TIAM1: variants seen among roughly 807,000 people sequenced by gnomAD.
TIAM1 encodes rho guanine nucleotide exchange factor TIAM1.
Under a neutral mutation model 163.5 loss-of-function variants are expected in TIAM1, and 65 were observed. The observed-to-expected ratio is 0.40, with a 90% confidence interval of 0.33 to 0.49. The LOEUF (loss-of-function observed/expected upper bound fraction) is 0.49, where lower values mean the gene tolerates loss of function less well. Ranked by LOEUF, TIAM1 falls within the 20% of genes least tolerant of loss-of-function variation. The pLI, the probability that TIAM1 is intolerant of heterozygous loss-of-function variation, is 0.77. For synonymous variants in TIAM1, 833 were observed against 810.1 expected, an observed-to-expected ratio of 1.03 and a Z score of -0.48; for missense variants, 1,789 against 2,044.7, an observed-to-expected ratio of 0.87 and a Z score of 2.41.
intron 1 of TIAM1, among the ~76,000 whole-genome samples, chr21:31,505,289 T>A (rs768756994): frequency 6.4e-4 from 98 of 152,246 alleles, no homozygotes; most frequent in Non-Finnish European, 5.1e-4. Flanking sequence ...AAAGCTTAGC[T>A]CTCTACAGGA....
intron 1 of TIAM1, among the ~76,000 whole-genome samples, chr21:31,529,157 GAT>G (rs1049525918): frequency 2.0e-5 from 3 of 151,760 alleles, no homozygotes; most frequent in Non-Finnish European, 2.9e-5. Flanking sequence ...CTGACCTCCT[GAT>G]CTGCCCACCT....
chr21:31,263,472 G>A (rs891129019), intron 4 of TIAM1, among the ~76,000 whole-genome samples: 9 of 152,144 alleles, frequency 5.9e-5, no homozygotes, highest in African/African-American at 2.2e-4. Context: ...CACAATTTTA[G>A]AAGGTGACAA....
intron 2 of TIAM1, among the ~76,000 whole-genome samples, chr21:31,365,387 CTTT>C (rs772457613): frequency 5.4e-5 from 7 of 128,806 alleles, no homozygotes; most frequent in African/African-American, 8.7e-5. Context: ...TTATTTCTTT[CTTT>C]TTTTTTTTTT....
intron 2 of TIAM1, among the ~76,000 whole-genome samples, chr21:31,331,445 A>G (rs1206308833): frequency 1.3e-5 from 2 of 152,228 alleles, no homozygotes; most frequent in Non-Finnish European, 2.9e-5. Flanking sequence ...GATGTCCCAG[A>G]ACCCAAACGT....
chr21:31,444,051 A>C (rs1763092931), intron 2 of TIAM1, among the ~76,000 whole-genome samples: 1 of 152,226 alleles, frequency 6.6e-6, no homozygotes, highest in South Asian at 2.1e-4. Context: ...TAAAATATCC[A>C]GGAGGATAGA....
chr21:31,199,210 T>C (rs2086052542), intron 12 of TIAM1, among the ~76,000 whole-genome samples: 1 of 152,210 alleles, frequency 6.6e-6, no homozygotes, highest in South Asian at 2.1e-4. Flanking sequence ...TGGCTTGGTC[T>C]GAGCCACCGT....
At chr21:31,509,753 A>C (rs2047150155) in intron 1 of TIAM1, among the ~76,000 whole-genome samples, 1 of 152,124 alleles carries the variant, frequency 6.6e-6, no homozygotes. Flanking sequence ...CCCTTGCAAC[A>C]AAGACGGGGC....
At chr21:31,449,482 G>A (rs909411017) in intron 2 of TIAM1, among the ~76,000 whole-genome samples, 5 of 151,952 alleles carry the variant, frequency 3.3e-5, no homozygotes, top group African/African-American at 4.8e-5. Flanking sequence ...AGGTTCAAGC[G>A]ATTCTCCTGC....
intron 9 of TIAM1, among the ~76,000 whole-genome samples, chr21:31,215,495 A>T (rs2087131657): frequency 1.4e-5 from 2 of 145,432 alleles, no homozygotes; most frequent in Non-Finnish European, 3.0e-5. Flanking sequence ...CAGGAGGCGG[A>T]GATTGCAATG....
intron 2 of TIAM1, chr21:31,452,675 A>G (rs2044911354): frequency 2.3e-6 from 1 of 438,586 alleles, no homozygotes; most frequent in South Asian, 2.0e-5. Context: ...TAATATCTCC[A>G]GAATATATTT....
At chr21:31,227,869 C>T (rs1269999329) in intron 6 of TIAM1, among the ~76,000 whole-genome samples, 1 of 151,980 alleles carries the variant, frequency 6.6e-6, no homozygotes, top group South Asian at 2.1e-4. Context: ...CTCCCAGTGC[C>T]TCACAATAAA....
At chr21:31,145,481 G>A (rs902091897) in intron 20 of TIAM1, among the ~76,000 whole-genome samples, 1 of 152,124 alleles carries the variant, frequency 6.6e-6, no homozygotes, top group Non-Finnish European at 1.5e-5. Flanking sequence ...TTCTGTTGGT[G>A]CAACTGTTTG....
At chr21:31,335,734 A>G (rs1284526843) in intron 2 of TIAM1, among the ~76,000 whole-genome samples, 2 of 151,994 alleles carry the variant, frequency 1.3e-5, no homozygotes, top group Non-Finnish European at 2.9e-5. Flanking sequence ...AAGAAACTCA[A>G]GAGTCTCCAA....
rs1245783133 is a variant in TIAM1 at position 31,127,073 on chromosome 21, C to G, written c.4125G>C (p.Leu1375Phe). The G allele has an allele frequency of 1.9e-6, 3 of 1,613,994 alleles. No homozygotes were observed. The highest frequency in any genetic ancestry group is 2.2e-5 in the South Asian group (2 of 91,082). Reference protein sequence around the residue: ...SEGRPERVFHLCCSSPESRKD... With the variant: ...SEGRPERVFHFCCSSPESRKD... ...TACAGGCCCAGGCTCACCTGCAGCA[C>G]AAGTGAAAGACCCTCTCCGGCCTCC... Residue 1375 changes from leucine (L) to phenylalanine (F), a missense_variant, in exon 26 of 28, where the codon TTG (leucine) becomes TTC (phenylalanine). Around this residue, in one of 5 missense-constraint regions of TIAM1, gnomAD observed 415 missense variants for 439.2 expected, o/e 0.94. Transcript: ENST00000541036.
intron 8 of TIAM1, 82 bp from the exon 9 acceptor site, chr21:31,217,781 C>T (rs1037640810): frequency 1.2e-5 from 18 of 1,519,614 alleles, no homozygotes; most frequent in Non-Finnish European, 1.5e-5. Context: ...GTAAGTCCCA[C>T]CCTTCAAAAA....
chr21:31,173,524 G>GAA (rs2084618190), intron 15 of TIAM1, among the ~76,000 whole-genome samples: 1 of 139,506 alleles, frequency 7.2e-6, no homozygotes, highest in African/African-American at 2.9e-5. Flanking sequence ...GAAAGAGAGA[G>GAA]CGAGAGAAAG....
chr21:31,321,105 T>C (rs1612512), intron 2 of TIAM1, among the ~76,000 whole-genome samples: 20,693 of 150,252 alleles, frequency 0.14, 1,632 homozygotes, highest in Non-Finnish European at 0.19. Context: ...TGAGCTATGA[T>C]TGTGCTACCG....
intron 2 of TIAM1, among the ~76,000 whole-genome samples, chr21:31,359,955 G>A (rs1017166036): frequency 2.0e-5 from 3 of 151,870 alleles, no homozygotes; most frequent in Admixed American, 1.3e-4. Context: ...TTCCCAAAAT[G>A]CAAAAAAGAT....
At chr21:31,246,445 T>C (rs985112188) in intron 5 of TIAM1, among the ~76,000 whole-genome samples, 1 of 152,222 alleles carries the variant, frequency 6.6e-6, no homozygotes, top group Non-Finnish European at 1.5e-5. Flanking sequence ...TTAATAGCAA[T>C]TATGAGCTGA....
Sources: allele counts gnomAD v4.1 joint callset (sites outside exome capture counted in the v4.1 genomes callset), GRCh38; gene constraint gnomAD v4.1.1; regional missense constraint gnomAD v4.1.1; transcripts MANE v1.5; gene names NCBI Gene and HGNC (gene_info 2026-07-23, HGNC 2026-07-21).